The following CD82 variants were observed in gnomAD, a reference collection of about 807,000 sequenced individuals.
The protein encoded by CD82 is CD82 antigen.
CD82 carries 36 observed loss-of-function variants against 37.4 expected under a neutral mutation model. The ratio of observed to expected loss-of-function variants is 0.96; its 90% confidence interval spans 0.74 to 1.27. The LOEUF (loss-of-function observed/expected upper bound fraction) is 1.27. Among genes scored for constraint, CD82 ranks in the 50% most tolerant of loss-of-function variants. The pLI is 0.00. For missense variants in CD82, 340 were observed against 347.0 expected (o/e 0.98, Z 0.16); for synonymous variants, 158 against 137.4 (o/e 1.15, Z -1.05).
rs1435070377 is a variant in CD82 at position 44,618,583 on chromosome 11, C to T, written c.643-57C>T. The T allele has an allele frequency of 2.1e-6, 3 of 1,441,104 alleles. No homozygotes were observed. In the East Asian group the frequency reaches 6.9e-5, roughly 33 times the overall value. The allele number at this position is 1,441,104 out of a possible 1,614,324, so 89.3% of individuals were successfully genotyped here. ...GACTGGGGGGCTCTCGGTGGTTCTG[C>T]ATGGCGGGGTGGGATGGTGCAGAGC... On this transcript the variant is annotated intron_variant, in intron 8 of 9. Coordinates refer to ENST00000227155, the MANE Select transcript of CD82 (RefSeq NM_002231.4).
chr11:44,585,975 C>T (rs1393857401), intron 1 of CD82, among the ~76,000 whole-genome samples: 4 of 152,160 alleles, frequency 2.6e-5, no homozygotes, highest in African/African-American at 9.7e-5. Context: ...TCATGTGACA[C>T]TTTTTCGGAT....
At chr11:44,615,488 T>G (rs1400286339) in intron 7 of CD82, 115 bp downstream of exon 7, 1 of 689,810 alleles carries the variant, frequency 1.4e-6, no homozygotes, top group Non-Finnish European at 2.6e-6. Context: ...TGCCTGACAG[T>G]TTGTAGGAGA....
intron 1 of CD82, among the ~76,000 whole-genome samples, chr11:44,585,654 G>A (rs1853043606): frequency 6.6e-6 from 1 of 152,244 alleles, no homozygotes; most frequent in Non-Finnish European, 1.5e-5. Context: ...GGCAGAGCCA[G>A]GGGTGGGAGC....
intron 6 of CD82, among the ~76,000 whole-genome samples, chr11:44,608,361 G>A (rs574035651): frequency 6.6e-6 from 1 of 152,264 alleles, no homozygotes; most frequent in East Asian, 1.9e-4. Flanking sequence ...CGATGGGGAG[G>A]TTGGGGACCT....
intron 2 of CD82, among the ~76,000 whole-genome samples, chr11:44,589,872 C>T (rs946078643): frequency 9.9e-5 from 15 of 151,612 alleles, no homozygotes; most frequent in Admixed American, 7.2e-4. Flanking sequence ...CTCGCTCTGT[C>T]GCCCAGGCTG....
At chr11:44,595,484 C>T (rs934166347) in intron 3 of CD82, among the ~76,000 whole-genome samples, 11 of 113,818 alleles carry the variant, frequency 9.7e-5, no homozygotes, top group Admixed American at 7.7e-4. Context: ...CCTGTGTTGA[C>T]GGTTTAACCC....
intron 6 of CD82, among the ~76,000 whole-genome samples, chr11:44,607,455 A>C (rs569539029): frequency 6.6e-6 from 1 of 152,184 alleles, no homozygotes; most frequent in Non-Finnish European, 1.5e-5. Flanking sequence ...CTTCTTTAGG[A>C]CCTAGTTAGT....
chr11:44,618,482 G>A, intron 8 of CD82, 117 bp downstream of exon 8: 2 of 1,075,008 alleles, frequency 1.9e-6, no homozygotes, highest in Non-Finnish European at 2.8e-6. Flanking sequence ...TCTGTCATTT[G>A]TACCTTCATC....
At chr11:44,574,832 T>C (rs1196090528) in intron 1 of CD82, among the ~76,000 whole-genome samples, 1 of 152,192 alleles carries the variant, frequency 6.6e-6, no homozygotes, top group East Asian at 1.9e-4. Flanking sequence ...CTCCAGCAAG[T>C]TTCCCAGCTC....
rs79223432 is a variant in CD82, at chr11:44,587,330, G to A, written c.-102-145G>A. ...AGGAAAGAGGCTACATGAGCCTGTG[G>A]GGGGAAGAGGACAGAGGAATGGCAA... On this transcript the variant is annotated intron_variant, in intron 1 of 9. Transcript: ENST00000227155. 9.8e-3 allele frequency: 4,118 copies of A among 421,694 alleles called. 155 individuals are homozygous for A. Among genetic ancestry groups the A allele is most frequent in the African/African-American group, 0.076 (3,773 of 49,658 alleles). The allele number at this position is 421,694 out of a possible 1,614,324, so 26.1% of individuals were successfully genotyped here.
chr11:44,607,651 A>G (rs189596415), intron 6 of CD82, among the ~76,000 whole-genome samples: 8 of 152,382 alleles, frequency 5.2e-5, no homozygotes, highest in Admixed American at 3.9e-4. Flanking sequence ...GTGAGCTGCA[A>G]TACATGTTCA....
rs1853376449 is a variant in CD82, at chr11:44,605,283, C to A, written c.262-72C>A. On this transcript the variant is annotated intron_variant, in intron 5 of 9. Transcript: ENST00000227155. ...CCGTAACATCGGGTGGAGAGCATCTCTCGGGGCACGCAGGCTGGGTGCACC... is the reference window on the plus strand; with the variant it reads ...CCGTAACATCGGGTGGAGAGCATCTATCGGGGCACGCAGGCTGGGTGCACC... 8.1e-6 allele frequency: 13 copies of A among 1,610,756 alleles called. No homozygotes were observed. In the South Asian group the frequency reaches 1.4e-4, roughly 18 times the overall value.
intron 4 of CD82, among the ~76,000 whole-genome samples, chr11:44,601,362 A>G (rs1306358924): frequency 6.9e-6 from 1 of 145,608 alleles, no homozygotes; most frequent in Admixed American, 6.8e-5. Context: ...GCCACATCTG[A>G]TGCACCCCGG....
At chr11:44,615,425 T>C in intron 7 of CD82, 52 bp downstream of exon 7, 5 of 1,122,868 alleles carry the variant, frequency 4.5e-6, no homozygotes, top group Non-Finnish European at 6.8e-6. Context: ...GTCCCTGCAT[T>C]TGGGGCTCTG....
chr11:44,593,330 T>C (rs1049191360), intron 2 of CD82, among the ~76,000 whole-genome samples: 3 of 152,210 alleles, frequency 2.0e-5, no homozygotes, highest in Non-Finnish European at 4.4e-5. Context: ...GAAACACAAG[T>C]GGGCCTGGTG....
In CD82 at chr11:44,619,040, T is replaced by C; in HGVS notation, c.727-9T>C. The C allele has an allele frequency of 6.2e-7, 1 of 1,613,254 alleles. No homozygotes were observed. Among genetic ancestry groups the C allele is most frequent in the Non-Finnish European group, 8.5e-7 (1 of 1,179,622 alleles). On this transcript the variant is annotated splice_polypyrimidine_tract_variant and intron_variant, in intron 9 of 9. Coordinates refer to ENST00000227155, the MANE Select transcript of CD82 (RefSeq NM_002231.4). ...CAGCCTCCCTCTGACTCTCCGCCTC[T>C]CCCCACAGCTCCTGGGGATGGTCCT...
Position 44,600,177 on chromosome 11 carries a change from T to C in CD82, c.83T>C (p.Leu28Pro). ...LIFFILGAVI[L>P]GFGVWILADK... is the part of the protein sequence containing the mutation. Reference sequence around the variant, plus strand: ...TTCCAGATCCTGGGCGCAGTGATCCTGGGCTTCGGGGTGTGGATCCTGGCC... The same window carrying C: ...TTCCAGATCCTGGGCGCAGTGATCCCGGGCTTCGGGGTGTGGATCCTGGCC... The change falls in exon 4 of 10, where the codon CTG becomes CCG. Residue 28 changes from leucine (L) to proline (P), a missense_variant. Transcript: ENST00000227155. 3 of 1,614,148 alleles carry C rather than the reference T, an allele frequency of 1.9e-6. No homozygotes were observed. Among genetic ancestry groups the C allele is most frequent in the Admixed American group, 1.7e-5 (1 of 60,012 alleles).
At chr11:44,600,657 A>G (rs972649903) in intron 4 of CD82, among the ~76,000 whole-genome samples, 1 of 152,354 alleles carries the variant, frequency 6.6e-6, no homozygotes, top group South Asian at 2.1e-4. Flanking sequence ...GTGCTTCGCT[A>G]TAAGCCTGGC....
At position 44,619,038 on chromosome 11, in the gene CD82, T is replaced by A; in HGVS notation, c.727-11T>A. ...CCCAGCCTCCCTCTGACTCTCCGCC[T>A]CTCCCCACAGCTCCTGGGGATGGTC... On this transcript the variant is annotated splice_polypyrimidine_tract_variant and intron_variant, in intron 9 of 9. Coordinates refer to ENST00000227155, the MANE Select transcript of CD82 (RefSeq NM_002231.4). 1 of 1,612,610 alleles carries A rather than the reference T, an allele frequency of 6.2e-7. No individual in the cohort carries two copies. The highest frequency in any genetic ancestry group is 1.1e-5 in the South Asian group (1 of 91,058).
Sources: gnomAD v4.1 joint callset for allele counts (sites outside exome capture counted in the v4.1 genomes callset) on GRCh38, gnomAD v4.1.1 for gene constraint, MANE v1.5 for transcripts, NCBI Gene and HGNC (gene_info 2026-07-23, HGNC 2026-07-21) for gene names.